PDZD2: variants seen among roughly 807,000 people sequenced by gnomAD.
The protein encoded by PDZD2 is PDZ domain containing 2, also known as PDZ domain-containing protein 2.
Under a neutral mutation model 220.7 loss-of-function variants are expected in PDZD2, and 90 were observed. The ratio of observed to expected loss-of-function variants is 0.41; its 90% confidence interval spans 0.34 to 0.49. The LOEUF is 0.49. Ranked by LOEUF, PDZD2 falls within the 20% of genes least tolerant of loss-of-function variation. The pLI, the probability that PDZD2 is intolerant of heterozygous loss-of-function variation, is 0.28. For missense variants in PDZD2, 3,174 were observed against 3,608.5 expected, an observed-to-expected ratio of 0.88 and a Z score of 3.08; for synonymous variants, 1,375 against 1,450.5, an observed-to-expected ratio of 0.95 and a Z score of 1.18.
rs1745321253 is a variant in PDZD2, at chr5:32,110,829, G to A, written c.*2694G>A. On this transcript the variant is annotated 3_prime_UTR_variant, in exon 25 of 25. Transcript: ENST00000438447. ...TAAGTGCAATAATATGAAATAGCCT[G>A]TACATTTTAAAAATGTTGTCACCAA... 6.6e-6 allele frequency: 1 copy of A among 152,358 alleles called. No individual in the cohort carries two copies. Among genetic ancestry groups the A allele is most frequent in the Non-Finnish European group, 1.5e-5 (1 of 68,024 alleles). The allele number at this position is 152,358 out of a possible 1,614,324, so 9.4% of individuals were successfully genotyped here.
intron 5 of PDZD2, among the ~76,000 whole-genome samples, chr5:32,009,633 G>A (rs1753125418): frequency 6.6e-6 from 1 of 152,128 alleles, no homozygotes; most frequent in Admixed American, 6.5e-5. Flanking sequence ...TCATGAGGCT[G>A]AGGCAGGAGG....
intron 1 of PDZD2, among the ~76,000 whole-genome samples, chr5:31,791,239 T>C (rs1303471756): frequency 6.6e-6 from 1 of 152,094 alleles, no homozygotes; most frequent in African/African-American, 2.4e-5. Context: ...AAGTGATAGT[T>C]CTCTTTATCT....
intron 1 of PDZD2, among the ~76,000 whole-genome samples, chr5:31,747,284 T>C (rs979614292): frequency 6.6e-6 from 1 of 152,166 alleles, no homozygotes; most frequent in East Asian, 1.9e-4. Flanking sequence ...TCGTGAAGCA[T>C]GGATAGTCAT....
At chr5:31,972,429 A>G (rs937334900) in intron 2 of PDZD2, among the ~76,000 whole-genome samples, 7 of 151,868 alleles carry the variant, frequency 4.6e-5, no homozygotes, top group Non-Finnish European at 7.4e-5. Context: ...AGTGTTTTCT[A>G]TTTCTTGTAG....
chr5:32,075,343 G>C (rs1741186779), intron 18 of PDZD2, among the ~76,000 whole-genome samples: 1 of 152,154 alleles, frequency 6.6e-6, no homozygotes, highest in South Asian at 2.1e-4. Flanking sequence ...AGTTCTCTGG[G>C]CTGGTGCTCT....
At chr5:31,943,035 T>G (rs1389591645) in intron 2 of PDZD2, among the ~76,000 whole-genome samples, 1 of 152,148 alleles carries the variant, frequency 6.6e-6, no homozygotes, top group African/African-American at 2.4e-5. Flanking sequence ...AAATCCCGTC[T>G]CTACCAAAAA....
At chr5:32,045,449 T>C (rs1219535627) in intron 7 of PDZD2, among the ~76,000 whole-genome samples, 23 of 151,546 alleles carry the variant, frequency 1.5e-4, no homozygotes, top group Admixed American at 1.5e-3. Flanking sequence ...CAAGACGGAA[T>C]CTTGCTCTGT....
rs748170414 is a variant in PDZD2, at chr5:31,840,396, TTATATATATATATATATATA to T, written c.476+40706_476+40725del. The T allele has an allele frequency of 3.6e-3, 69 of 19,342 alleles. 1 individual carries two copies. The highest frequency in any genetic ancestry group is 0.013 in the East Asian group (8 of 636). 1.2% of individuals were successfully genotyped at this position (19,342 alleles called of 1,614,324 possible). A position where few individuals can be genotyped will look rare whatever the true frequency, so the allele number is the denominator to read the frequency against. ...CTCATTCAAAGAGTAGTCATTTTCATTATATATATATATATATATATATATATATATATATATATATATAT... is the reference window on the plus strand; with the variant it reads ...CTCATTCAAAGAGTAGTCATTTTCATTATATATATATATATATATATATAT... On this transcript the variant is annotated intron_variant, in intron 2 of 24. Coordinates refer to ENST00000438447, the MANE Select transcript of PDZD2 (RefSeq NM_178140.4).
At chr5:31,985,348 C>T (rs1312293303) in intron 3 of PDZD2, among the ~76,000 whole-genome samples, 1 of 152,066 alleles carries the variant, frequency 6.6e-6, no homozygotes, top group Non-Finnish European at 1.5e-5. Context: ...CATATAGTCC[C>T]AAGAATAGGC....
intron 2 of PDZD2, among the ~76,000 whole-genome samples, chr5:31,907,098 G>A (rs1742726548): frequency 6.6e-6 from 1 of 152,172 alleles, no homozygotes; most frequent in Non-Finnish European, 1.5e-5. Flanking sequence ...TGACAGTTTG[G>A]TTATGATGAC....
intron 22 of PDZD2, among the ~76,000 whole-genome samples, chr5:32,097,685 TTG>T (rs1743851103): frequency 6.6e-6 from 1 of 152,206 alleles, no homozygotes; most frequent in Non-Finnish European, 1.5e-5. Context: ...CTGGCCAAAC[TTG>T]TGTTTATACA....
chr5:31,694,104 A>G (rs562641072), intron 1 of PDZD2, among the ~76,000 whole-genome samples: 4 of 152,328 alleles, frequency 2.6e-5, no homozygotes, highest in African/African-American at 4.8e-5. Flanking sequence ...TGTCAGGAAC[A>G]AAACAGTGCT....
intron 2 of PDZD2, among the ~76,000 whole-genome samples, chr5:31,872,109 A>T (rs1738865074): frequency 6.6e-6 from 1 of 150,962 alleles, no homozygotes; most frequent in African/African-American, 2.4e-5. Context: ...CATGTGTGGT[A>T]TTTGGAGTTG....
At position 31,791,333 on chromosome 5, in the gene PDZD2, G is replaced by A. The variant is rs201111486; in HGVS notation, c.-360-7556G>A. 1.2e-4 allele frequency among the ~76,000 whole-genome samples: 18 copies of A among 152,096 alleles called. No homozygotes were observed. The East Asian group carries it at 3.3e-3, about 28-fold the overall frequency. On this transcript the variant is annotated intron_variant, in intron 1 of 24. Coordinates refer to ENST00000438447, the MANE Select transcript of PDZD2 (RefSeq NM_178140.4). ...TGGCCAGGCGCAGTGGCTCACGCCTGTAATCCCAGCACTTTGGGAGGCCGA... is the reference window on the plus strand; with the variant it reads ...TGGCCAGGCGCAGTGGCTCACGCCTATAATCCCAGCACTTTGGGAGGCCGA...
intron 3 of PDZD2, among the ~76,000 whole-genome samples, chr5:31,989,614 G>A (rs185352264): frequency 2.1e-3 from 319 of 151,938 alleles, no homozygotes; most frequent in Non-Finnish European, 3.8e-3. Flanking sequence ...AGTAGAGAGG[G>A]GGTTTTACCA....
chr5:31,725,621 G>A lies in PDZD2; in HGVS notation c.-360-73268G>A, dbSNP rs927824874. 42 of 1,362,492 alleles carry A rather than the reference G, an allele frequency of 3.1e-5. No individual in the cohort carries two copies. The African/African-American group carries it at 5.2e-4, about 17-fold the overall frequency. 84.4% of individuals were successfully genotyped at this position (1,362,492 alleles called of 1,614,324 possible). A position where few individuals can be genotyped will look rare whatever the true frequency, so the allele number is the denominator to read the frequency against. ...GATCTTGACTGAGATTTGGATCTAG[G>A]TGGTCCTTTTTTCCTTGATTCCTTT... is the stretch of plus-strand genomic sequence containing the variant. On this transcript the variant is annotated intron_variant, in intron 1 of 24. Coordinates refer to ENST00000438447, the MANE Select transcript of PDZD2 (RefSeq NM_178140.4).
chr5:31,677,685 A>G (rs1746488351), intron 1 of PDZD2, among the ~76,000 whole-genome samples: 1 of 152,254 alleles, frequency 6.6e-6, no homozygotes, highest in African/African-American at 2.4e-5. Context: ...AGTGATAAAA[A>G]GAAATGAGCT....
chr5:32,020,641 T>TC (rs1440152540), intron 6 of PDZD2, among the ~76,000 whole-genome samples: 1 of 16,572 alleles, frequency 6.0e-5, no homozygotes, highest in Non-Finnish European at 2.0e-4. Flanking sequence ...GACAAAATGA[T>TC]CTTTTTTTTT....
chr5:31,700,229 G>A (rs567654964), intron 1 of PDZD2, among the ~76,000 whole-genome samples: 1 of 152,280 alleles, frequency 6.6e-6, no homozygotes, highest in East Asian at 1.9e-4. Context: ...GAGGAAGAAA[G>A]CCAAGATGAT....
Sources: allele counts gnomAD v4.1 joint callset (sites outside exome capture counted in the v4.1 genomes callset), GRCh38; gene constraint gnomAD v4.1.1; transcripts MANE v1.5; gene names NCBI Gene and HGNC (gene_info 2026-07-23, HGNC 2026-07-21).